ITCH: variants seen among roughly 807,000 people sequenced by gnomAD.
ITCH encodes itchy E3 ubiquitin protein ligase.
A neutral mutation model predicts 126.8 loss-of-function variants in ITCH; 28 were observed. The ratio of observed to expected loss-of-function variants is 0.22; its 90% CI spans 0.16 to 0.30. ITCH has a LOEUF of 0.30. Ranked by LOEUF, ITCH falls within the 10% of genes least tolerant of loss-of-function variation. The probability of loss-of-function intolerance (pLI) is 1.00; values close to 1 mark genes in which losing one functional copy is unlikely to be tolerated. For missense variants in ITCH, 631 were observed against 1,032.4 expected (o/e 0.61, Z 5.33); for synonymous variants, 342 against 340.0 (o/e 1.01, Z -0.06).
intron 4 of ITCH, among the ~76,000 whole-genome samples, chr20:34,409,516 CTACTA>C (rs1978682028): frequency 6.6e-6 from 1 of 152,168 alleles, no homozygotes; most frequent in African/African-American, 2.4e-5. Flanking sequence ...GCTAGGACTA[CTACTA>C]TACATTTTAT....
intron 2 of ITCH, among the ~76,000 whole-genome samples, chr20:34,387,637 C>A (rs892965147): frequency 6.6e-6 from 1 of 151,420 alleles, no homozygotes; most frequent in African/African-American, 2.4e-5. Context: ...AAAAAAAAGA[C>A]CCTGTTTTGA....
intron 7 of ITCH, among the ~76,000 whole-genome samples, chr20:34,436,467 A>G (rs1983019403): frequency 6.6e-6 from 1 of 152,228 alleles, no homozygotes; most frequent in South Asian, 2.1e-4. Flanking sequence ...GCAGTCTTAA[A>G]ATGGTTTTGG....
intron 14 of ITCH, among the ~76,000 whole-genome samples, chr20:34,463,619 TTCATCA>T (rs767659873): frequency 6.6e-6 from 1 of 152,094 alleles, no homozygotes; most frequent in Non-Finnish European, 1.5e-5. Flanking sequence ...TTTTTTTTTC[TTCATCA>T]TCATCATATT....
At chr20:34,384,636 G>A (rs1053739618) in intron 2 of ITCH, among the ~76,000 whole-genome samples, 1 of 146,714 alleles carries the variant, frequency 6.8e-6, no homozygotes, top group Non-Finnish European at 1.5e-5. Flanking sequence ...CTGGAAGGAT[G>A]AGGCATGGTG....
chr20:34,463,102 C>T (rs933841746), intron 14 of ITCH, among the ~76,000 whole-genome samples: 3 of 152,170 alleles, frequency 2.0e-5, no homozygotes, highest in Non-Finnish European at 4.4e-5. Flanking sequence ...GTGGCTCATG[C>T]CTGTAATCCC....
intron 6 of ITCH, among the ~76,000 whole-genome samples, chr20:34,418,204 A>G (rs1311432782): frequency 6.6e-6 from 1 of 152,048 alleles, no homozygotes; most frequent in Admixed American, 6.6e-5. Context: ...AGCTCAGGCA[A>G]TCCTCCTGCT....
In ITCH at chr20:34,481,079, G is replaced by A. The variant is rs757281730; in HGVS notation, c.1966G>A (p.Glu656Lys). The A allele has an allele frequency of 6.2e-7, 1 of 1,613,484 alleles. No individual in the cohort carries two copies. The change falls in exon 20 of 25, where the codon GAG (glutamate) becomes AAG (lysine). Residue 656 changes from glutamate (E) to lysine (K), a missense_variant. Glu to Lys is a moderately conservative substitution (Grantham distance 56, BLOSUM62 1). Transcript: ENST00000374864. ...SLIWVKENNI[E>K]ECDLEMYFSV... is the part of the protein sequence containing the mutation. ...TCATTTGTGCAGGGAAAACAATATTGAGGAATGTGATTTGGAAATGTACTT... is the reference window on the plus strand; with the variant it reads ...TCATTTGTGCAGGGAAAACAATATTAAGGAATGTGATTTGGAAATGTACTT...
intron 13 of ITCH, among the ~76,000 whole-genome samples, chr20:34,459,748 CTA>C (rs1326939588): frequency 1.3e-5 from 2 of 152,090 alleles, no homozygotes; most frequent in African/African-American, 2.4e-5. Flanking sequence ...AAAACTAAAA[CTA>C]AAAATAAATA....
intron 16 of ITCH, among the ~76,000 whole-genome samples, chr20:34,475,500 C>T (rs534514386): frequency 1.1e-4 from 16 of 152,292 alleles, no homozygotes; most frequent in Non-Finnish European, 1.9e-4. Context: ...CAAAAAAATA[C>T]GAAAACCAGT....
rs138413289 is a variant in ITCH at position 34,380,741 on chromosome 20, G to A, written c.-22+11271G>A. Among the ~76,000 whole-genome samples, 15 of 150,230 alleles carry A rather than the reference G, an allele frequency of 1.0e-4. No individual in the cohort carries two copies. In the Admixed American group the frequency reaches 1.0e-3, roughly 10 times the overall value. On this transcript the variant is annotated intron_variant, in intron 2 of 24. Transcript: ENST00000374864. ...GCTATGATTACAGGCATGAGCCACCGGCCCTGCCCAAGAAGTTGAGTGCAA... is the reference window on the plus strand; with the variant it reads ...GCTATGATTACAGGCATGAGCCACCAGCCCTGCCCAAGAAGTTGAGTGCAA...
intron 20 of ITCH, among the ~76,000 whole-genome samples, chr20:34,483,701 C>T (rs553720451): frequency 6.6e-6 from 1 of 152,298 alleles, no homozygotes; most frequent in South Asian, 2.1e-4. Context: ...TTCTTCTGAG[C>T]CCTCCAAACT....
intron 2 of ITCH, among the ~76,000 whole-genome samples, chr20:34,388,331 AGTTT>A (rs1330621796): frequency 2.0e-5 from 3 of 151,690 alleles, no homozygotes; most frequent in Non-Finnish European, 4.4e-5. Context: ...GAAGGCTTTT[AGTTT>A]GTTTGTTTGC....
chr20:34,445,174 A>T lies in ITCH; in HGVS notation c.966-113A>T, dbSNP rs549467967. 8.8e-5 allele frequency: 102 copies of T among 1,163,658 alleles called. No individual in the cohort carries two copies. The African/African-American group carries it at 1.4e-3, about 16-fold the overall frequency. 72.1% of individuals were successfully genotyped at this position (1,163,658 alleles called of 1,614,324 possible). ...AAGTTCACTTACAAACTATTTAAAA[A>T]TACATAAAAGACTCCAGATAAATCA... On this transcript the variant is annotated intron_variant, in intron 10 of 24. Transcript: ENST00000374864.
chr20:34,451,731 T>C lies in ITCH; in HGVS notation c.1210+2251T>C, dbSNP rs1488373703. ...TGTTAGAGAAGGAGAAAAAAACTCA[T>C]GCACTAAAATGATATATCCAAAGGA... On this transcript the variant is annotated intron_variant, in intron 12 of 24. Coordinates refer to ENST00000374864, the MANE Select transcript of ITCH (RefSeq NM_031483.7). 2.6e-5 allele frequency among the ~76,000 whole-genome samples: 4 copies of C among 152,122 alleles called. No individual in the cohort carries two copies. In the East Asian group the frequency reaches 5.8e-4, roughly 22 times the overall value.
At chr20:34,498,476 T>C (rs998427688) in intron 23 of ITCH, among the ~76,000 whole-genome samples, 1 of 152,218 alleles carries the variant, frequency 6.6e-6, no homozygotes, top group African/African-American at 2.4e-5. Context: ...TTGTAATATA[T>C]AGCCTTTATT....
chr20:34,471,761 AG>A (rs1987651892), intron 16 of ITCH, among the ~76,000 whole-genome samples: 1 of 139,878 alleles, frequency 7.1e-6, no homozygotes, highest in South Asian at 2.3e-4. Context: ...ATAAATGCAT[AG>A]GTAAGATAAT....
chr20:34,507,661 T>G, intron 24 of ITCH, 34 bp from the exon 25 acceptor site: 22 of 1,527,868 alleles, frequency 1.4e-5, no homozygotes, highest in Non-Finnish European at 2.0e-5. Flanking sequence ...CTTTGCATAT[T>G]TCCTTTTCTC....
chr20:34,491,611 A>G (rs537997933), intron 22 of ITCH, among the ~76,000 whole-genome samples: 2 of 152,222 alleles, frequency 1.3e-5, no homozygotes, highest in African/African-American at 2.4e-5. Flanking sequence ...AAAAAAATTC[A>G]TATGAGAAAC....
In ITCH at chr20:34,492,482, TTAAA is replaced by T. The variant is rs1203407524; in HGVS notation, c.2320-16_2320-13del. 1 of 1,356,136 alleles carries T rather than the reference TTAAA, an allele frequency of 7.4e-7. No individual in the cohort carries two copies. The highest frequency in any genetic ancestry group is 1.7e-5 in the Admixed American group (1 of 59,706). The allele number at this position is 1,356,136 out of a possible 1,614,324, so 84.0% of individuals were successfully genotyped here. A position where few individuals can be genotyped will look rare whatever the true frequency, so the allele number is the denominator to read the frequency against. ...TGTAACATATGACATATATATCTCT[TTAAA>T]TATACTTTTAACAGTTTGTTAAAGA... On this transcript the variant is annotated splice_polypyrimidine_tract_variant and intron_variant, in intron 22 of 24. Coordinates refer to ENST00000374864, the MANE Select transcript of ITCH (RefSeq NM_031483.7).
Sources: allele counts gnomAD v4.1 joint callset (sites outside exome capture counted in the v4.1 genomes callset), GRCh38; gene constraint gnomAD v4.1.1; transcripts MANE v1.5; gene names NCBI Gene and HGNC (gene_info 2026-07-23, HGNC 2026-07-21).